Variants in CSMD1 observed in about 807,000 individuals in gnomAD.
CSMD1 encodes CUB and Sushi multiple domains 1, also known as CUB and sushi domain-containing protein 1.
A neutral mutation model predicts 417.5 loss-of-function variants in CSMD1; 213 were observed. That is an observed-to-expected ratio of 0.51 (90% CI 0.46 to 0.57). The LOEUF is 0.57. Ranked by LOEUF, CSMD1 falls within the 20% of genes least tolerant of loss-of-function variation. The probability of loss-of-function intolerance (pLI) is 0.00; values close to 1 mark genes in which losing one functional copy is unlikely to be tolerated. For missense variants in CSMD1, 6,923 were observed against 4,529.7 expected, an observed-to-expected ratio of 1.53 and a Z score of -15.17; for synonymous variants, 2,862 against 1,736.8, an observed-to-expected ratio of 1.65 and a Z score of -16.11.
At chr8:4,284,103 C>T (rs887087382) in intron 3 of CSMD1, among the ~76,000 whole-genome samples, 2 of 152,158 alleles carry the variant, frequency 1.3e-5, no homozygotes, top group East Asian at 1.9e-4. Context: ...CATGGTGGCT[C>T]ACACCTGTAA....
chr8:4,594,439 A>G (rs978828612), intron 2 of CSMD1, among the ~76,000 whole-genome samples: 7 of 151,948 alleles, frequency 4.6e-5, no homozygotes, highest in African/African-American at 1.7e-4. Flanking sequence ...AACTCAAGTA[A>G]TCCACGCATC....
At chr8:4,132,176 G>C (rs886581733) in intron 3 of CSMD1, among the ~76,000 whole-genome samples, 2 of 149,158 alleles carry the variant, frequency 1.3e-5, no homozygotes, top group Non-Finnish European at 3.0e-5. Context: ...GTTTATGCGG[G>C]TAAAATTTGT....
chr8:4,231,107 G>T (rs922702234), intron 3 of CSMD1, among the ~76,000 whole-genome samples: 1 of 152,156 alleles, frequency 6.6e-6, no homozygotes, highest in Admixed American at 6.5e-5. Flanking sequence ...CTCCACCAAG[G>T]ATATATGTTG....
intron 30 of CSMD1, among the ~76,000 whole-genome samples, chr8:3,205,978 T>G (rs767009332): frequency 2.0e-5 from 3 of 152,214 alleles, no homozygotes; most frequent in Non-Finnish European, 4.4e-5. Context: ...ATCCTCATAT[T>G]AACTTAAGAG....
rs80192056 is a variant in CSMD1 at position 4,964,835 on chromosome 8, T to G, written c.85+29497A>C. 6.0e-4 allele frequency among the ~76,000 whole-genome samples: 92 copies of G among 152,316 alleles called. 2 individuals are homozygous for G. In the East Asian group the frequency reaches 7.9e-3, roughly 13 times the overall value. ...CCTGTTGTGCACCCACGATGGACTT[T>G]AATACCAGTCGTGTCTGATGTAATT... is the stretch of plus-strand genomic sequence containing the variant. On this transcript the variant is annotated intron_variant, in intron 1 of 69. Transcript: ENST00000635120.
intron 3 of CSMD1, among the ~76,000 whole-genome samples, chr8:4,370,573 A>C (rs552960260): frequency 2.6e-5 from 4 of 152,184 alleles, no homozygotes; most frequent in Non-Finnish European, 5.9e-5. Context: ...TGGAATAACA[A>C]TGAGTTGTGT....
chr8:3,041,328 A>C (rs949284871), intron 50 of CSMD1, among the ~76,000 whole-genome samples: 3 of 152,168 alleles, frequency 2.0e-5, no homozygotes, highest in Non-Finnish European at 4.4e-5. Context: ...TTAATATAGA[A>C]CAAGCAAATT....
At chr8:3,191,075 T>G (rs189263998) in intron 33 of CSMD1, among the ~76,000 whole-genome samples, 18 of 152,198 alleles carry the variant, frequency 1.2e-4, no homozygotes, top group African/African-American at 4.3e-4. Context: ...GTTAAGAGGG[T>G]AGATTTTTCT....
rs1182053483 is a variant in CSMD1, at chr8:4,920,932, GAGAAAGAAAGAA to G, written c.85+73388_85+73399del. On this transcript the variant is annotated intron_variant, in intron 1 of 69. Coordinates refer to ENST00000635120, the MANE Select transcript of CSMD1 (RefSeq NM_033225.6). ...AAAAGAAAAGAAAAGAAAAGAAAGA[GAGAAAGAAAGAA>G]AGAAAGAAAGAAAGAAAGAAAGAAA... is the stretch of plus-strand genomic sequence containing the variant. Among the ~76,000 whole-genome samples, 73 of 27,138 alleles carry G rather than the reference GAGAAAGAAAGAA, an allele frequency of 2.7e-3. 4 individuals carry two copies. The highest frequency in any genetic ancestry group is 4.3e-3 in the Non-Finnish European group (49 of 11,516). 17.8% of individuals were successfully genotyped at this position (27,138 alleles called of 152,430 possible).
intron 1 of CSMD1, among the ~76,000 whole-genome samples, chr8:4,935,617 C>T (rs1353695972): frequency 1.3e-5 from 2 of 152,146 alleles, no homozygotes; most frequent in African/African-American, 2.4e-5. Context: ...TGCTCTCATT[C>T]TCCAAAATGT....
chr8:3,010,831 C>T (rs1002856065), intron 52 of CSMD1, among the ~76,000 whole-genome samples: 3 of 151,662 alleles, frequency 2.0e-5, no homozygotes, highest in South Asian at 2.1e-4. Context: ...GCAACCTCCA[C>T]CTCCCGGGTT....
intron 1 of CSMD1, among the ~76,000 whole-genome samples, chr8:4,794,643 C>T (rs1055348627): frequency 2.0e-5 from 3 of 152,170 alleles, no homozygotes; most frequent in Non-Finnish European, 4.4e-5. Context: ...GGAACCTCCC[C>T]ATTGTCCCCA....
At chr8:4,391,887 C>A (rs888792493) in intron 3 of CSMD1, among the ~76,000 whole-genome samples, 1 of 152,146 alleles carries the variant, frequency 6.6e-6, no homozygotes, top group Non-Finnish European at 1.5e-5. Flanking sequence ...CAGCTTCTGC[C>A]GAGAGCTTCT....
intron 20 of CSMD1, among the ~76,000 whole-genome samples, chr8:3,363,114 C>A (rs1354489297): frequency 6.6e-6 from 1 of 152,186 alleles, no homozygotes; most frequent in African/African-American, 2.4e-5. Context: ...AACTTGGTGT[C>A]TTGGTCCTCC....
intron 8 of CSMD1, among the ~76,000 whole-genome samples, chr8:3,587,357 G>C (rs1229986677): frequency 3.9e-5 from 6 of 152,162 alleles, no homozygotes; most frequent in African/African-American, 1.2e-4. Flanking sequence ...CAAGCGCATT[G>C]TTACAAGAGG....
At chr8:4,919,244 TA>T (rs1419425285) in intron 1 of CSMD1, among the ~76,000 whole-genome samples, 4 of 152,200 alleles carry the variant, frequency 2.6e-5, no homozygotes, top group Admixed American at 6.5e-5. Context: ...AATTCAGAAA[TA>T]ATCTCTTGCC....
chr8:3,839,079 G>C (rs1488958203), intron 5 of CSMD1, among the ~76,000 whole-genome samples: 2 of 117,740 alleles, frequency 1.7e-5, no homozygotes, highest in Admixed American at 2.1e-4. Flanking sequence ...TATAGCCTAG[G>C]CTATATATAA....
intron 5 of CSMD1, among the ~76,000 whole-genome samples, chr8:3,755,187 G>A (rs925880963): frequency 3.3e-5 from 5 of 152,102 alleles, no homozygotes; most frequent in African/African-American, 1.2e-4. Flanking sequence ...AGTGGCATAA[G>A]CATCACTGGA....
chr8:4,385,214 C>G (rs1803368771), intron 3 of CSMD1, among the ~76,000 whole-genome samples: 1 of 152,182 alleles, frequency 6.6e-6, no homozygotes, highest in Non-Finnish European at 1.5e-5. Context: ...AGGCATGAGC[C>G]ACTGCACCCG....
Sources: gnomAD v4.1 joint callset for allele counts (sites outside exome capture counted in the v4.1 genomes callset) on GRCh38, gnomAD v4.1.1 for gene constraint, MANE v1.5 for transcripts, NCBI Gene and HGNC (gene_info 2026-07-23, HGNC 2026-07-21) for gene names.